SLC37A2: variants seen among roughly 807,000 people sequenced by gnomAD.
SLC37A2 encodes the protein solute carrier family 37 member 2, also known as glucose-6-phosphate exchanger SLC37A2.
Under a neutral mutation model 70.7 loss-of-function variants are expected in SLC37A2, and 59 were observed. That is an observed-to-expected ratio of 0.83 (90% confidence interval 0.68 to 1.04). The LOEUF is 1.04. SLC37A2 is among the 50% of genes least tolerant of loss of function. SLC37A2 has a pLI of 0.00. For missense variants in SLC37A2, 580 were observed against 658.1 expected (o/e 0.88, Z 1.30); for synonymous variants, 257 against 262.1 (o/e 0.98, Z 0.19).
intron 17 of SLC37A2, chr11:125,087,633 C>CTT (rs201240101): frequency 0.022 from 3,143 of 140,912 alleles, 44 homozygotes; most frequent in Middle Eastern, 0.064. Context: ...TATTTAATTT[C>CTT]TTTTTTTTTT....
chr11:125,082,018 G>A, intron 9 of SLC37A2, 112 bp downstream of exon 9: 2 of 1,311,122 alleles, frequency 1.5e-6, no homozygotes. Context: ...CTTTATAGGG[G>A]AGGTGTAAGT....
At chr11:125,087,771 C>T (rs772376963) in intron 17 of SLC37A2, 30 of 207,666 alleles carry the variant, frequency 1.4e-4, no homozygotes, top group Admixed American at 2.7e-4. Context: ...TAGCTGGGAC[C>T]ACAGGCATGC....
At chr11:125,064,065 C>T (rs568562367) in intron 1 of SLC37A2, among the ~76,000 whole-genome samples, 6 of 152,350 alleles carry the variant, frequency 3.9e-5, no homozygotes, top group Admixed American at 3.3e-4. Flanking sequence ...GGGTTTCAGC[C>T]ACTCTTCCTT....
At chr11:125,071,960 G>A (rs1949033957) in intron 1 of SLC37A2, among the ~76,000 whole-genome samples, 1 of 152,092 alleles carries the variant, frequency 6.6e-6, no homozygotes, top group Non-Finnish European at 1.5e-5. Flanking sequence ...TCCGAGAAGA[G>A]ACTACTGAAT....
intron 1 of SLC37A2, 85 bp from the exon 2 acceptor site, chr11:125,076,672 G>C: frequency 7.9e-7 from 1 of 1,270,402 alleles, no homozygotes; most frequent in Non-Finnish European, 1.1e-6. Context: ...GGGACTGCCA[G>C]AGGGGACACG....
rs1208724061 is a variant in SLC37A2 at position 125,063,433 on chromosome 11, G to C, written c.59+7G>C. ...CCTTCTCCAGGGACAGCTGGTGAGC[G>C]GGGCAGGGGAGGGAGGCGTGCCGGG... On this transcript the variant is annotated splice_region_variant and intron_variant, in intron 1 of 17. Coordinates refer to ENST00000403796, the MANE Select transcript of SLC37A2 (RefSeq NM_001145290.2). The surrounding 1 kb of genome is among the most constrained non-coding windows in gnomAD (Gnocchi z 5.4). 4.3e-6 allele frequency: 7 copies of C among 1,610,020 alleles called. No individual in the cohort carries two copies. Among genetic ancestry groups the C allele is most frequent in the East Asian group, 2.2e-5 (1 of 44,692 alleles).
In SLC37A2 at chr11:125,069,269, A is replaced by C. The variant is rs140983994; in HGVS notation, c.59+5843A>C. ...CCTGTCCAGCACCACACAGCTGATA[A>C]ATGACTGAGCTGGAGTTGGAATCAA... On this transcript the variant is annotated intron_variant, in intron 1 of 17. Transcript: ENST00000403796. Among the ~76,000 whole-genome samples, 23 of 152,346 alleles carry C rather than the reference A, an allele frequency of 1.5e-4. No homozygotes were observed. The East Asian group carries it at 4.0e-3, about 27-fold the overall frequency.
chr11:125,078,061 G>A (rs1421907204), intron 4 of SLC37A2, among the ~76,000 whole-genome samples: 1 of 152,238 alleles, frequency 6.6e-6, no homozygotes, highest in East Asian at 1.9e-4. Flanking sequence ...TCCAAGCTGA[G>A]CTAGAGCAGA....
rs1395808359 is a variant in SLC37A2, at chr11:125,079,745, G to C, written c.512G>C (p.Trp171Ser). Reference protein sequence around the residue: ...WPSVVTCVGNWFGKGKRGFIM... With the variant: ...WPSVVTCVGNSFGKGKRGFIM... Reference sequence around the variant, plus strand: ...TCTGTGGTGACCTGTGTTGGCAACTGGTTCGGGAAGGGGAAGTGAGTGTAA... The same window carrying C: ...TCTGTGGTGACCTGTGTTGGCAACTCGTTCGGGAAGGGGAAGTGAGTGTAA... Residue 171 changes from tryptophan to serine, a missense_variant, in exon 6 of 18, where the codon TGG (tryptophan) becomes TCG (serine). Physicochemically the swap from Trp to Ser is radical, Grantham distance 177 (BLOSUM62 -3). Transcript: ENST00000403796. 6.2e-7 allele frequency: 1 copy of C among 1,609,886 alleles called. No individual in the cohort carries two copies.
chr11:125,073,479 C>T (rs1251131929), intron 1 of SLC37A2, among the ~76,000 whole-genome samples: 1 of 152,226 alleles, frequency 6.6e-6, no homozygotes, highest in African/African-American at 2.4e-5. Context: ...CCTAACAGAG[C>T]AGTGTGGGCC....
rs1306569247 is a variant in SLC37A2, at chr11:125,085,980, G to T, written c.1452G>T (p.Glu484Asp). The T allele has an allele frequency of 1.9e-6, 3 of 1,614,198 alleles. No individual in the cohort carries two copies. In the South Asian group the frequency reaches 3.3e-5, roughly 18 times the overall value. ...TCCTTTGCCGGTTAGTATACAAAGA[G>T]ATCTTGGCCTGGAAGGTGTCCCTGA... is the stretch of plus-strand genomic sequence containing the variant. Reference protein sequence around the residue: ...CLLLCRLVYKEILAWKVSLSR... With the variant: ...CLLLCRLVYKDILAWKVSLSR... Residue 484 changes from glutamate (E) to aspartate (D), a missense_variant, in exon 17 of 18, where the codon GAG (glutamate) becomes GAT (aspartate). Coordinates refer to ENST00000403796, the MANE Select transcript of SLC37A2 (RefSeq NM_001145290.2).
In SLC37A2 at chr11:125,088,132, T is replaced by C; in HGVS notation, c.1504T>C (p.Ter502ArgextTer50). The stretch of plus-strand genomic sequence containing the variant: ...CTCTTCATGCAGGTATAAAGAAATA[T>C]GAGGCCCCAATTGGAACAGCAGCAT... ...LSRGSGYKEI* is the reference protein window; with the variant it reads ...LSRGSGYKEIR Residue 502 changes from the stop codon to arginine (R), a stop_lost, in exon 18 of 18, where the codon TGA (stop) becomes CGA (arginine). Coordinates refer to ENST00000403796, the MANE Select transcript of SLC37A2 (RefSeq NM_001145290.2). 6.4e-7 allele frequency: 1 copy of C among 1,551,818 alleles called. No individual in the cohort carries two copies. Among genetic ancestry groups the C allele is most frequent in the Non-Finnish European group, 8.7e-7 (1 of 1,147,048 alleles).
At position 125,077,514 on chromosome 11, in the gene SLC37A2, C is replaced by T. The variant is rs377738912; in HGVS notation, c.300C>T (p.Ile100=). ...ACGCCTTCCTCATCGCCTATGCCAT[C>T]GGCATGTTCATCAGGTAAGGACAGA... ...VDNAFLIAYA[I]GMFISGVFGE... is the part of the protein sequence containing the mutation. Residue 100 remains isoleucine (I), a synonymous_variant, in exon 4 of 18, where the codon ATC becomes ATT. Transcript: ENST00000403796. The T allele has an allele frequency of 3.0e-5, 48 of 1,613,208 alleles. No homozygotes were observed. The highest frequency in any genetic ancestry group is 1.6e-4 in the African/African-American group (12 of 74,918).
chr11:125,069,201 G>A (rs1181822242), intron 1 of SLC37A2, among the ~76,000 whole-genome samples: 1 of 152,226 alleles, frequency 6.6e-6, no homozygotes, highest in Non-Finnish European at 1.5e-5. Flanking sequence ...TAGCTTCCCT[G>A]TGGAACATAT....
intron 1 of SLC37A2, among the ~76,000 whole-genome samples, chr11:125,069,260 C>G (rs1373764010): frequency 6.6e-6 from 1 of 152,236 alleles, no homozygotes; most frequent in African/African-American, 2.4e-5. Flanking sequence ...CAGCACCACA[C>G]AGCTGATAAA....
chr11:125,079,646 C>G, intron 5 of SLC37A2, 38 bp from the exon 6 acceptor site: 1 of 1,536,224 alleles, frequency 6.5e-7, no homozygotes, highest in Non-Finnish European at 8.9e-7. Context: ...GTCGCACAGC[C>G]CAGGCCTGTT....
intron 4 of SLC37A2, among the ~76,000 whole-genome samples, chr11:125,078,707 C>CG (rs1418866535): frequency 1.3e-5 from 2 of 151,930 alleles, no homozygotes; most frequent in African/African-American, 4.8e-5. Context: ...TTAAATGCCC[C>CG]GGGGGCATCC....
chr11:125,088,299 T>C lies in SLC37A2; in HGVS notation c.*165T>C. The C allele has an allele frequency of 1.4e-6, 1 of 730,958 alleles. No individual in the cohort carries two copies. Among genetic ancestry groups the C allele is most frequent in the Non-Finnish European group, 2.2e-6 (1 of 449,528 alleles). The allele number at this position is 730,958 out of a possible 1,614,324, so 45.3% of individuals were successfully genotyped here. ...GGGCTGCCTAAGGACACAGAGATTCTCCATGGGAAGGGGACTGCCAAGCAT... is the reference window on the plus strand; with the variant it reads ...GGGCTGCCTAAGGACACAGAGATTCCCCATGGGAAGGGGACTGCCAAGCAT... On this transcript the variant is annotated 3_prime_UTR_variant, in exon 18 of 18. Coordinates refer to ENST00000403796, the MANE Select transcript of SLC37A2 (RefSeq NM_001145290.2).
At chr11:125,067,033 G>C (rs949167927) in intron 1 of SLC37A2, among the ~76,000 whole-genome samples, 2 of 149,578 alleles carry the variant, frequency 1.3e-5, no homozygotes, top group Admixed American at 1.3e-4. Flanking sequence ...AGATTGTAGT[G>C]CAGTGGCACG....
Sources: gnomAD v4.1 joint callset for allele counts (sites outside exome capture counted in the v4.1 genomes callset) on GRCh38, gnomAD v4.1.1 for gene constraint, Gnocchi (gnomAD v3.1) non-coding constraint, MANE v1.5 for transcripts, NCBI Gene and HGNC (gene_info 2026-07-23, HGNC 2026-07-21) for gene names.